EYA3: variants seen among roughly 807,000 people sequenced by gnomAD.
EYA3 encodes protein phosphatase EYA3.
A neutral mutation model predicts 80.0 loss-of-function variants in EYA3; 39 were observed. The ratio of observed to expected loss-of-function variants is 0.49; its 90% CI spans 0.38 to 0.64. EYA3 has a LOEUF of 0.64. EYA3 is among the 30% of genes least tolerant of loss of function. The pLI, the probability that EYA3 is intolerant of heterozygous loss-of-function variation, is 0.00. For synonymous variants in EYA3, 206 were observed against 232.8 expected (o/e 0.88, Z 1.05); for missense variants, 523 against 676.1 (o/e 0.77, Z 2.51).
At chr1:28,084,573 ATATATATATATATATATATATATTTTTT>A (rs1255294690) in intron 1 of EYA3, among the ~76,000 whole-genome samples, 48 of 9,596 alleles carry the variant, frequency 5.0e-3, no homozygotes, top group African/African-American at 0.021. Context: ...ATATATATAT[ATATATATATATATATATATATATTTTTT>A]TTTTTTTTTT....
At chr1:28,001,167 A>G (rs1428914140) in intron 11 of EYA3, among the ~76,000 whole-genome samples, 2 of 148,932 alleles carry the variant, frequency 1.3e-5, no homozygotes, top group African/African-American at 4.9e-5. Flanking sequence ...TATAATTTAT[A>G]TAAACTATAT....
chr1:27,988,349 G>A, intron 16 of EYA3, 186 bp downstream of exon 16: 1 of 560,580 alleles, frequency 1.8e-6, no homozygotes, highest in Non-Finnish European at 3.1e-6. Context: ...CTAGCTGTGA[G>A]AACCTGAGCA....
intron 1 of EYA3, among the ~76,000 whole-genome samples, chr1:28,077,271 G>A (rs1178302611): frequency 6.6e-6 from 1 of 151,416 alleles, no homozygotes; most frequent in East Asian, 2.0e-4. Context: ...ACCCAGCTAA[G>A]TTTTTTGTAT....
intron 16 of EYA3, 55 bp from the exon 17 acceptor site, chr1:27,978,529 AAAG>A: frequency 2.8e-6 from 4 of 1,450,018 alleles, no homozygotes; most frequent in South Asian, 1.1e-5. Flanking sequence ...TTTCAAAACC[AAAG>A]AAGAGGGCTG....
At chr1:27,984,296 A>T (rs1206188448) in intron 16 of EYA3, among the ~76,000 whole-genome samples, 2 of 152,174 alleles carry the variant, frequency 1.3e-5, no homozygotes, top group African/African-American at 4.8e-5. Flanking sequence ...GGCCTCCCAA[A>T]GTGCTGGAAT....
At chr1:28,070,340 A>T (rs1213923609) in intron 1 of EYA3, among the ~76,000 whole-genome samples, 4 of 152,030 alleles carry the variant, frequency 2.6e-5, no homozygotes, top group African/African-American at 9.7e-5. Flanking sequence ...GCAGGTGATC[A>T]CCTGAGGTCA....
In EYA3 at chr1:27,974,381, C is replaced by G; in HGVS notation, c.*85G>C. 1.1e-6 allele frequency: 1 copy of G among 931,628 alleles called. No homozygotes were observed. The highest frequency in any genetic ancestry group is 1.7e-6 in the Non-Finnish European group (1 of 595,456). 57.7% of individuals were successfully genotyped at this position (931,628 alleles called of 1,614,324 possible). ...AGACAGAGACACAGAGAGAGACAGACAGAGAAAGTTCTCAGTTGGTTCCAG... is the reference window on the plus strand; with the variant it reads ...AGACAGAGACACAGAGAGAGACAGAGAGAGAAAGTTCTCAGTTGGTTCCAG... On this transcript the variant is annotated 3_prime_UTR_variant, in exon 18 of 18. Transcript: ENST00000373871.
chr1:28,072,112 CA>C lies in EYA3; in HGVS notation c.-68-14019del, dbSNP rs902331293. On this transcript the variant is annotated intron_variant, in intron 1 of 17. Transcript: ENST00000373871. ...ACACACAAATTGAATTCATTCCCCC[CA>C]AAAAAATTATGTGACATATAAAGCA... Among the ~76,000 whole-genome samples the C allele has an allele frequency of 1.2e-3, 183 of 151,822 alleles. 1 individual carries two copies. The highest frequency in any genetic ancestry group is 2.0e-3 in the Non-Finnish European group (135 of 67,922).
chr1:28,058,977 T>C (rs1158439919), intron 1 of EYA3, among the ~76,000 whole-genome samples: 1 of 151,872 alleles, frequency 6.6e-6, no homozygotes, highest in African/African-American at 2.4e-5. Flanking sequence ...GTATATTTAA[T>C]TAAAGTCACA....
At chr1:28,033,653 TA>T (rs1390748094) in intron 6 of EYA3, among the ~76,000 whole-genome samples, 49 of 131,766 alleles carry the variant, frequency 3.7e-4, no homozygotes, top group Non-Finnish European at 6.0e-4. Context: ...TTATTATTAT[TA>T]TTATTATTAT....
At chr1:27,994,328 T>G (rs1025042107) in intron 13 of EYA3, among the ~76,000 whole-genome samples, 1 of 152,158 alleles carries the variant, frequency 6.6e-6, no homozygotes, top group Non-Finnish European at 1.5e-5. Context: ...AAGCACATTC[T>G]CCAGCTCCAG....
rs374689783 is a variant in EYA3, at chr1:28,009,639, A to AAACAACAACAACAACAAC, written c.909+1290_909+1307dup. On this transcript the variant is annotated intron_variant, in intron 10 of 17. Transcript: ENST00000373871. The surrounding 1 kb of genome is among the most constrained non-coding windows in gnomAD (Gnocchi z 4.8). Reference sequence around the variant, plus strand: ...CACTCCAGCCTGAGACTCCATCTCAAAACAACAACAACAACAACAACAACA... The same window carrying AAACAACAACAACAACAAC: ...CACTCCAGCCTGAGACTCCATCTCAAAACAACAACAACAACAACAACAACAACAACAACAACAACAACA... Among the ~76,000 whole-genome samples the AAACAACAACAACAACAAC allele has an allele frequency of 1.5e-3, 159 of 108,226 alleles. No homozygotes were observed. The highest frequency in any genetic ancestry group is 4.0e-3 in the Middle Eastern group (1 of 248). 71.0% of individuals were successfully genotyped at this position (108,226 alleles called of 152,430 possible).
intron 1 of EYA3, among the ~76,000 whole-genome samples, chr1:28,065,934 G>A (rs746371158): frequency 2.6e-5 from 4 of 151,852 alleles, no homozygotes; most frequent in African/African-American, 4.8e-5. Context: ...ACCAGGACCC[G>A]GGAGGCGGAG....
intron 13 of EYA3, among the ~76,000 whole-genome samples, chr1:27,994,888 G>A (rs537104624): frequency 6.6e-6 from 1 of 151,466 alleles, no homozygotes; most frequent in Non-Finnish European, 1.5e-5. Context: ...AGGACCACTT[G>A]AGCCCAGGAG....
intron 2 of EYA3, among the ~76,000 whole-genome samples, chr1:28,050,674 TG>T (rs1644213176): frequency 6.6e-6 from 1 of 152,140 alleles, no homozygotes; most frequent in South Asian, 2.1e-4. Flanking sequence ...GGTGTTACAA[TG>T]TTTTTTTTGT....
chr1:28,072,199 C>T (rs1293662449), intron 1 of EYA3, among the ~76,000 whole-genome samples: 1 of 152,090 alleles, frequency 6.6e-6, no homozygotes, highest in Non-Finnish European at 1.5e-5. Flanking sequence ...AAACTAGTAG[C>T]AGTATCTTAT....
intron 1 of EYA3, among the ~76,000 whole-genome samples, chr1:28,081,496 T>C (rs904526840): frequency 1.3e-5 from 2 of 152,222 alleles, no homozygotes; most frequent in Non-Finnish European, 2.9e-5. Context: ...TTTTATAAGA[T>C]ATTTAGGTAC....
At chr1:28,028,077 G>C (rs1176300976) in intron 6 of EYA3, 151 bp from the exon 7 acceptor site, 1 of 809,038 alleles carries the variant, frequency 1.2e-6, no homozygotes, top group Non-Finnish European at 1.9e-6. Flanking sequence ...TCTCCCACTT[G>C]TAATATATCA....
At position 27,995,009 on chromosome 1, in the gene EYA3, A is replaced by T. The variant is rs1184428826; in HGVS notation, c.1143-1449T>A. ...ACCACTTCTGTACACTTAAAAAATG[A>T]TAAAGATGGTAAATTCTATATGTAT... On this transcript the variant is annotated intron_variant, in intron 13 of 17. Transcript: ENST00000373871. Among the ~76,000 whole-genome samples, 6 of 151,958 alleles carry T rather than the reference A, an allele frequency of 3.9e-5. No homozygotes were observed. The East Asian group carries it at 1.2e-3, about 29-fold the overall frequency.
Sources: allele counts gnomAD v4.1 joint callset (sites outside exome capture counted in the v4.1 genomes callset), GRCh38; gene constraint gnomAD v4.1.1; non-coding constraint Gnocchi (gnomAD v3.1); transcripts MANE v1.5; gene names NCBI Gene and HGNC (gene_info 2026-07-23, HGNC 2026-07-21).